Variants in PATJ observed in about 807,000 individuals in gnomAD.
PATJ encodes the protein PATJ crumbs cell polarity complex component, also known as inaD-like protein.
Under a neutral mutation model 224.9 loss-of-function variants are expected in PATJ, and 190 were observed. The ratio of observed to expected loss-of-function variants is 0.84; its 90% CI spans 0.75 to 0.95. The LOEUF (loss-of-function observed/expected upper bound fraction) is 0.95, where lower values mean the gene tolerates loss of function less well. PATJ is among the 40% of genes least tolerant of loss of function. The pLI is 0.00. For synonymous variants in PATJ, 769 were observed against 820.3 expected (o/e 0.94, Z 1.07); for missense variants, 2,121 against 2,270.3 (o/e 0.93, Z 1.34).
chr1:62,029,135 CTTTA>C lies in PATJ; in HGVS notation c.3960-8838_3960-8835del, dbSNP rs1570178045. 2.0e-5 allele frequency among the ~76,000 whole-genome samples: 3 copies of C among 152,132 alleles called. No homozygotes were observed. In the East Asian group the frequency reaches 5.8e-4, roughly 29 times the overall value. On this transcript the variant is annotated intron_variant, in intron 29 of 43. Transcript: ENST00000642238. ...CATCAAGGAAAGGTAAGACCTTCAA[CTTTA>C]TTTTTCTTTTTCAAGATTGTTTTGG... is the stretch of plus-strand genomic sequence containing the variant.
At chr1:61,912,703 G>A (rs10157223) in intron 25 of PATJ, among the ~76,000 whole-genome samples, 1 of 133,494 alleles carries the variant, frequency 7.5e-6, no homozygotes, top group Non-Finnish European at 1.6e-5. Context: ...GAAGAGGGGA[G>A]GGGAAGGTAG....
intron 34 of PATJ, among the ~76,000 whole-genome samples, chr1:62,108,852 A>C (rs1301274545): frequency 3.9e-5 from 6 of 152,188 alleles, no homozygotes; most frequent in Admixed American, 3.9e-4. Flanking sequence ...CTAAAAACAC[A>C]TACATATAGA....
intron 29 of PATJ, among the ~76,000 whole-genome samples, chr1:62,021,951 T>C (rs1647109511): frequency 6.6e-6 from 1 of 152,202 alleles, no homozygotes; most frequent in South Asian, 2.1e-4. Context: ...AATTTGCACT[T>C]CTATTTGGCA....
At chr1:61,842,793 C>T (rs1316426765) in intron 17 of PATJ, among the ~76,000 whole-genome samples, 4 of 44,228 alleles carry the variant, frequency 9.0e-5, no homozygotes, top group Admixed American at 2.4e-4. Context: ...AACAGTTAAT[C>T]GAAAGAAGAA....
At chr1:61,862,068 G>A (rs1258727543) in intron 19 of PATJ, among the ~76,000 whole-genome samples, 1 of 152,046 alleles carries the variant, frequency 6.6e-6, no homozygotes, top group Non-Finnish European at 1.5e-5. Flanking sequence ...TTATCACGTT[G>A]CCCAGGCTGG....
rs1008277142 is a variant in PATJ, at chr1:62,163,811, C to T, written c.*2757C>T. 2.0e-5 allele frequency: 3 copies of T among 152,150 alleles called. No homozygotes were observed. Among genetic ancestry groups the T allele is most frequent in the East Asian group, 3.9e-4 (2 of 5,164 alleles). The allele number at this position is 152,150 out of a possible 1,614,324, so 9.4% of individuals were successfully genotyped here. Reference sequence around the variant, plus strand: ...TCAGTATAGTAATGATATCACTAATCGGAATTAGCATGAGAGGGAAGTAAG... The same window carrying T: ...TCAGTATAGTAATGATATCACTAATTGGAATTAGCATGAGAGGGAAGTAAG... On this transcript the variant is annotated 3_prime_UTR_variant, in exon 44 of 44. Coordinates refer to ENST00000642238, the MANE Select transcript of PATJ (RefSeq NM_001350145.3).
In PATJ at chr1:62,163,472, T is replaced by C. The variant is rs1669978293; in HGVS notation, c.*2418T>C. 6.6e-6 allele frequency: 1 copy of C among 152,640 alleles called. No homozygotes were observed. Among genetic ancestry groups the C allele is most frequent in the South Asian group, 2.1e-4 (1 of 4,830 alleles). 9.5% of individuals were successfully genotyped at this position (152,640 alleles called of 1,614,324 possible). On this transcript the variant is annotated 3_prime_UTR_variant, in exon 44 of 44. Coordinates refer to ENST00000642238, the MANE Select transcript of PATJ (RefSeq NM_001350145.3). ...GAAATGGGATTCTGCTTTATTTTGA[T>C]GGAATGGCCATTAAATACACATTTT...
At chr1:62,006,461 A>G (rs1444403151) in intron 28 of PATJ, among the ~76,000 whole-genome samples, 1 of 152,252 alleles carries the variant, frequency 6.6e-6, no homozygotes, top group African/African-American at 2.4e-5. Flanking sequence ...AAAAATTAAC[A>G]GTAGTTGAAA....
At chr1:62,065,883 T>TCAG (rs2148662743) in intron 31 of PATJ, among the ~76,000 whole-genome samples, 1 of 152,338 alleles carries the variant, frequency 6.6e-6, no homozygotes, top group South Asian at 2.1e-4. Context: ...CCACTGCTCC[T>TCAG]CAGAAACAAG....
At chr1:62,133,303 C>G (rs1054457044) in intron 41 of PATJ, among the ~76,000 whole-genome samples, 2 of 151,968 alleles carry the variant, frequency 1.3e-5, no homozygotes, top group African/African-American at 4.8e-5. Flanking sequence ...AGAATATGGC[C>G]AGGCGTGGTG....
intron 7 of PATJ, among the ~76,000 whole-genome samples, chr1:61,779,489 G>A (rs1226752449): frequency 6.6e-6 from 1 of 152,158 alleles, no homozygotes; most frequent in East Asian, 1.9e-4. Flanking sequence ...AAAGTCAACT[G>A]TTTGTATATG....
At chr1:61,939,855 G>T (rs566388549) in intron 27 of PATJ, among the ~76,000 whole-genome samples, 1 of 151,490 alleles carries the variant, frequency 6.6e-6, no homozygotes, top group Non-Finnish European at 1.5e-5. Flanking sequence ...TATATTTTTA[G>T]TAGAGACATG....
intron 26 of PATJ, chr1:61,918,217 C>T (rs1164615043): frequency 3.9e-5 from 1 of 25,854 alleles, no homozygotes; most frequent in African/African-American, 4.4e-4. Flanking sequence ...TTTTCTATTT[C>T]TCCTAGTCAT....
chr1:61,870,530 C>A (rs983191663), intron 20 of PATJ, among the ~76,000 whole-genome samples: 5 of 152,108 alleles, frequency 3.3e-5, no homozygotes, highest in Non-Finnish European at 5.9e-5. Context: ...CAGGGACCTG[C>A]CCTTAAATTT....
chr1:61,892,725 A>C (rs906468333), intron 22 of PATJ, among the ~76,000 whole-genome samples: 7 of 152,064 alleles, frequency 4.6e-5, no homozygotes, highest in African/African-American at 1.7e-4. Context: ...CAGCGAGGAT[A>C]CCCCCTACCC....
At position 62,147,920 on chromosome 1, in the gene PATJ, G is replaced by A. The variant is rs1262622798; in HGVS notation, c.5272-364G>A. Among the ~76,000 whole-genome samples, 4 of 151,438 alleles carry A rather than the reference G, an allele frequency of 2.6e-5. No individual in the cohort carries two copies. The South Asian group carries it at 6.3e-4, about 24-fold the overall frequency. On this transcript the variant is annotated intron_variant, in intron 41 of 43. Transcript: ENST00000642238. Reference sequence around the variant, plus strand: ...AGAGTTTGCAGTGAGCTGAGATCGCGCCATTGCACTCCAGCCTGGGTGACA... The same window carrying A: ...AGAGTTTGCAGTGAGCTGAGATCGCACCATTGCACTCCAGCCTGGGTGACA...
intron 20 of PATJ, among the ~76,000 whole-genome samples, chr1:61,873,124 G>A (rs1381608287): frequency 6.6e-6 from 1 of 151,902 alleles, no homozygotes; most frequent in African/African-American, 2.4e-5. Flanking sequence ...TCCCTAAGGT[G>A]GCTATAAAAT....
chr1:62,071,967 A>G (rs912359712), intron 31 of PATJ, among the ~76,000 whole-genome samples: 3 of 152,140 alleles, frequency 2.0e-5, no homozygotes, highest in African/African-American at 7.2e-5. Context: ...GCTTTCTCCT[A>G]TCCAAACCAG....
At chr1:61,937,953 G>A (rs1307609732) in intron 27 of PATJ, among the ~76,000 whole-genome samples, 1 of 152,050 alleles carries the variant, frequency 6.6e-6, no homozygotes, top group African/African-American at 2.4e-5. Flanking sequence ...CCTGGCCTAG[G>A]GACTTGCCTT....
Sources: allele counts gnomAD v4.1 joint callset (sites outside exome capture counted in the v4.1 genomes callset), GRCh38; gene constraint gnomAD v4.1.1; transcripts MANE v1.5; gene names NCBI Gene and HGNC (gene_info 2026-07-23, HGNC 2026-07-21).